The following DACH2 variants were observed in gnomAD, a reference collection of about 807,000 sequenced individuals.
The protein encoded by DACH2 is dachshund family transcription factor 2.
Under a neutral mutation model 35.8 loss-of-function variants are expected in DACH2, and 17 were observed. The observed-to-expected ratio is 0.48, with a 90% CI of 0.33 to 0.71. The LOEUF (loss-of-function observed/expected upper bound fraction) is 0.71. Ranked by LOEUF, DACH2 falls within the 30% of genes least tolerant of loss-of-function variation. The probability of loss-of-function intolerance (pLI) is 0.02; values close to 1 mark genes in which losing one functional copy is unlikely to be tolerated. For missense variants in DACH2, 469 were observed against 472.7 expected, an observed-to-expected ratio of 0.99 and a Z score of 0.07; for synonymous variants, 195 against 177.3, an observed-to-expected ratio of 1.10 and a Z score of -0.79.
chrX:86,438,668 C>G (rs889719491), intron 2 of DACH2, among the ~76,000 whole-genome samples: 1 of 112,291 alleles, frequency 8.9e-6, no homozygotes, highest in African/African-American at 3.2e-5. Flanking sequence ...CATAGACATG[C>G]ATGTGTCTTT....
intron 4 of DACH2, among the ~76,000 whole-genome samples, chrX:86,676,217 T>A: frequency 8.9e-6 from 1 of 112,197 alleles, no homozygotes; most frequent in Admixed American, 9.5e-5. Context: ...ATAGCAGATA[T>A]TTAGCTGAAG....
At chrX:86,556,791 TATATAGAGAGAG>T (rs1373826385) in intron 3 of DACH2, among the ~76,000 whole-genome samples, 40 of 35,667 alleles carry the variant, frequency 1.1e-3, no homozygotes, top group African/African-American at 2.5e-3. Context: ...TATATATATA[TATATAGAGAGAG>T]AGAGAGAGAG....
At chrX:86,827,960 G>T in intron 11 of DACH2, 1 of 463,468 alleles carries the variant, frequency 2.2e-6, no homozygotes, top group Non-Finnish European at 3.6e-6. Flanking sequence ...TAGAGAATGG[G>T]TTTCACAGGT....
At chrX:86,276,442 G>A (rs1006100959) in intron 1 of DACH2, among the ~76,000 whole-genome samples, 4 of 111,504 alleles carry the variant, frequency 3.6e-5, no homozygotes, top group African/African-American at 1.3e-4. Flanking sequence ...TTCCTTGTTA[G>A]ATGGGTGGTT....
At chrX:86,491,483 G>A (rs1208679922) in intron 2 of DACH2, among the ~76,000 whole-genome samples, 2 of 111,898 alleles carry the variant, frequency 1.8e-5, no homozygotes, top group Non-Finnish European at 3.8e-5. Flanking sequence ...AAATGTTTTA[G>A]TGACTATGGC....
chrX:86,641,200 G>A (rs183084011), intron 3 of DACH2, among the ~76,000 whole-genome samples: 1 of 111,758 alleles, frequency 8.9e-6, no homozygotes, highest in East Asian at 2.8e-4. Context: ...AGGACAATAT[G>A]AATCACAATA....
chrX:86,529,475 C>T (rs2038681211), intron 3 of DACH2, among the ~76,000 whole-genome samples: 2 of 86,629 alleles, frequency 2.3e-5, no homozygotes, highest in Non-Finnish European at 4.8e-5. Flanking sequence ...ATGTGATCAA[C>T]ATTTTTTTTT....
At chrX:86,182,913 A>G (rs925763685) in intron 1 of DACH2, among the ~76,000 whole-genome samples, 8 of 111,118 alleles carry the variant, frequency 7.2e-5, no homozygotes, top group Non-Finnish European at 1.1e-4. Context: ...TTGTATTCCT[A>G]GATATTTTAT....
intron 1 of DACH2, among the ~76,000 whole-genome samples, chrX:86,293,796 G>C (rs1463783982): frequency 4.5e-5 from 5 of 111,703 alleles, no homozygotes; most frequent in Non-Finnish European, 7.5e-5. Context: ...GAGATCAGCT[G>C]TTAGTCTGAT....
intron 1 of DACH2, among the ~76,000 whole-genome samples, chrX:86,346,222 T>C (rs924334009): frequency 8.1e-5 from 9 of 111,116 alleles, no homozygotes; most frequent in African/African-American, 2.9e-4. Context: ...AGGGCATAAA[T>C]TCATCCTGTT....
intron 6 of DACH2, among the ~76,000 whole-genome samples, chrX:86,729,558 C>G (rs373721081): frequency 9.0e-6 from 1 of 110,920 alleles, no homozygotes; most frequent in Non-Finnish European, 1.9e-5. Flanking sequence ...TTGGGGGTGT[C>G]TAGGGGTGGA....
intron 2 of DACH2, among the ~76,000 whole-genome samples, chrX:86,439,335 T>C (rs2037121466): frequency 8.9e-6 from 1 of 112,126 alleles, no homozygotes; most frequent in South Asian, 3.7e-4. Flanking sequence ...AAATATTTTC[T>C]CCCATTCAAG....
intron 7 of DACH2, among the ~76,000 whole-genome samples, chrX:86,797,175 G>A (rs2042247835): frequency 9.0e-6 from 1 of 110,761 alleles, no homozygotes; most frequent in Non-Finnish European, 1.9e-5. Flanking sequence ...GAATCCAATT[G>A]GGAAAGATAA....
intron 2 of DACH2, among the ~76,000 whole-genome samples, chrX:86,442,767 A>C (rs1304124996): frequency 1.8e-5 from 2 of 111,425 alleles, no homozygotes; most frequent in African/African-American, 6.5e-5. Flanking sequence ...ATTCCTCTGC[A>C]AGTGGATATC....
At chrX:86,454,522 G>T (rs1180132156) in intron 2 of DACH2, among the ~76,000 whole-genome samples, 4 of 111,981 alleles carry the variant, frequency 3.6e-5, no homozygotes, top group Non-Finnish European at 7.5e-5. Flanking sequence ...ATTTCAGAAA[G>T]ATAGTCTTCA....
intron 1 of DACH2, among the ~76,000 whole-genome samples, chrX:86,183,254 T>A (rs1236615416): frequency 8.9e-6 from 1 of 112,029 alleles, no homozygotes; most frequent in African/African-American, 3.2e-5. Flanking sequence ...TGACTTGTGC[T>A]GGTTTTCAAA....
Position 86,240,938 on chromosome X carries a change from C to T in DACH2, c.488+91830C>T, listed in dbSNP as rs190200602. 4.1e-3 allele frequency among the ~76,000 whole-genome samples: 462 copies of T among 111,649 alleles called. 5 individuals carry two copies. The highest frequency in any genetic ancestry group is 6.9e-3 in the Non-Finnish European group (365 of 53,188). ...CACCATGATTGTAAGTTTCCTGAGG[C>T]CTCCTAGCCATGCTTCCTCTACAGC... On this transcript the variant is annotated intron_variant, in intron 1 of 11. Coordinates refer to ENST00000373125, the MANE Select transcript of DACH2 (RefSeq NM_053281.3).
At chrX:86,382,836 C>T (rs1383537906) in intron 2 of DACH2, among the ~76,000 whole-genome samples, 2 of 111,207 alleles carry the variant, frequency 1.8e-5, no homozygotes, top group Non-Finnish European at 3.8e-5. Context: ...AATTTGCATA[C>T]ATATACCTAA....
At chrX:86,384,927 A>G (rs1242582335) in intron 2 of DACH2, among the ~76,000 whole-genome samples, 1 of 111,809 alleles carries the variant, frequency 8.9e-6, no homozygotes, top group Non-Finnish European at 1.9e-5. Flanking sequence ...AGGAGAGTTT[A>G]AAAAGATTGT....
Sources: gnomAD v4.1 joint callset for allele counts (sites outside exome capture counted in the v4.1 genomes callset) on GRCh38, gnomAD v4.1.1 for gene constraint, MANE v1.5 for transcripts, NCBI Gene and HGNC (gene_info 2026-07-23, HGNC 2026-07-21) for gene names.